The following LGSN variants were observed in gnomAD, a reference collection of about 807,000 sequenced individuals.
The protein encoded by LGSN is lengsin.
Under a neutral mutation model 19.5 loss-of-function variants are expected in LGSN, and 21 were observed. The observed-to-expected ratio is 1.07, with a 90% CI of 0.76 to 1.55. LGSN has a LOEUF of 1.55. LGSN is among the 40% of genes most tolerant of loss of function. The pLI, the probability that LGSN is intolerant of heterozygous loss-of-function variation, is 0.00. For synonymous variants in LGSN, 257 were observed against 215.6 expected (o/e 1.19, Z -1.68); for missense variants, 673 against 608.5 (o/e 1.11, Z -1.12).
the LGSN span, among the ~76,000 whole-genome samples, chr6:63,492,034 A>G: frequency 1.3e-5 from 2 of 151,458 alleles, no homozygotes; most frequent in African/African-American, 4.9e-5. Context: ...CATCTCAAAA[A>G]AAAAAAAAAA....
At chr6:63,494,809 A>G in the LGSN span, among the ~76,000 whole-genome samples, 48,549 of 152,024 alleles carry the variant, frequency 0.32, 7,910 homozygotes, top group Admixed American at 0.4. Context: ...GTAGATTCTA[A>G]GTTTTATTAT....
the LGSN span, among the ~76,000 whole-genome samples, chr6:63,494,082 T>G: frequency 1.3e-5 from 2 of 151,878 alleles, no homozygotes. Context: ...CCCAAGTAGC[T>G]GGGATTACAG....
chr6:63,389,785 G>T, the LGSN span, among the ~76,000 whole-genome samples: 1 of 152,036 alleles, frequency 6.6e-6, no homozygotes, highest in Non-Finnish European at 1.5e-5. Flanking sequence ...GAAATTCAAA[G>T]GTAGTGCATA....
the LGSN span, among the ~76,000 whole-genome samples, chr6:63,358,640 T>A: frequency 1.3e-5 from 2 of 152,216 alleles, no homozygotes; most frequent in African/African-American, 4.8e-5. Context: ...GTTTGTCTGT[T>A]ATTGGTGTAT....
At chr6:63,411,684 A>T in the LGSN span, among the ~76,000 whole-genome samples, 1 of 152,030 alleles carries the variant, frequency 6.6e-6, no homozygotes, top group Non-Finnish European at 1.5e-5. Context: ...ACAAAAAATA[A>T]AAAATATTAG....
At chr6:63,391,071 T>C in the LGSN span, among the ~76,000 whole-genome samples, 1 of 152,194 alleles carries the variant, frequency 6.6e-6, no homozygotes, top group Non-Finnish European at 1.5e-5. Flanking sequence ...TTACTAAGTA[T>C]TATCAGATCT....
the LGSN span, among the ~76,000 whole-genome samples, chr6:63,330,152 G>A: frequency 3.0e-3 from 452 of 152,270 alleles, 3 homozygotes; most frequent in African/African-American, 0.01. Flanking sequence ...TGATTGCCTC[G>A]GCATAGTGGA....
the LGSN span, among the ~76,000 whole-genome samples, chr6:63,346,118 G>T: frequency 6.6e-6 from 1 of 152,020 alleles, no homozygotes; most frequent in African/African-American, 2.4e-5. Flanking sequence ...TGAGCAATAG[G>T]GGTGCTAGGT....
At chr6:63,296,772 C>T (rs911128959) in intron 1 of LGSN, among the ~76,000 whole-genome samples, 3 of 151,894 alleles carry the variant, frequency 2.0e-5, no homozygotes, top group African/African-American at 7.3e-5. Flanking sequence ...CTCATGGTAC[C>T]CCTTAAGTTA....
the LGSN span, among the ~76,000 whole-genome samples, chr6:63,514,545 T>C: frequency 1.3e-5 from 2 of 152,140 alleles, no homozygotes; most frequent in African/African-American, 2.4e-5. Flanking sequence ...CGTTTTATCA[T>C]ATATTTTTTC....
At chr6:63,348,322 C>T in the LGSN span, among the ~76,000 whole-genome samples, 22 of 152,150 alleles carry the variant, frequency 1.4e-4, no homozygotes, top group South Asian at 2.9e-3. Context: ...GGAGCTGTGG[C>T]GCATGCCTGT....
the LGSN span, among the ~76,000 whole-genome samples, chr6:63,516,328 A>T: frequency 2.6e-5 from 4 of 152,232 alleles, no homozygotes; most frequent in Admixed American, 2.6e-4. Flanking sequence ...TGCTTGGGAA[A>T]ATAAAGGATT....
the LGSN span, among the ~76,000 whole-genome samples, chr6:63,412,415 GAA>G: frequency 1.7e-4 from 18 of 107,822 alleles, no homozygotes; most frequent in African/African-American, 7.7e-4. Context: ...AAGAAAGAAA[GAA>G]GAAAGAAAGA....
At chr6:63,496,432 A>C in the LGSN span, among the ~76,000 whole-genome samples, 1 of 152,216 alleles carries the variant, frequency 6.6e-6, no homozygotes, top group African/African-American at 2.4e-5. Flanking sequence ...ACGGAATTAT[A>C]GGCAATTAAG....
chr6:63,505,802 G>C, the LGSN span, among the ~76,000 whole-genome samples: 1 of 152,014 alleles, frequency 6.6e-6, no homozygotes, highest in Non-Finnish European at 1.5e-5. Context: ...TGGGACTATA[G>C]GTGTGCACCA....
chr6:63,430,147 A>C, the LGSN span, among the ~76,000 whole-genome samples: 1 of 152,110 alleles, frequency 6.6e-6, no homozygotes, highest in African/African-American at 2.4e-5. Flanking sequence ...GAAATCAGGG[A>C]ATTTCTTCCT....
At chr6:63,426,730 G>A in the LGSN span, among the ~76,000 whole-genome samples, 1 of 152,148 alleles carries the variant, frequency 6.6e-6, no homozygotes, top group South Asian at 2.1e-4. Flanking sequence ...GGCCAGGCTG[G>A]TCTTGAACTC....
chr6:63,327,255 G>A, the LGSN span, among the ~76,000 whole-genome samples: 23 of 152,220 alleles, frequency 1.5e-4, no homozygotes, highest in African/African-American at 4.8e-4. Context: ...TGATGGCCTC[G>A]ATTCTAGAGG....
chr6:63,320,439 C>A (rs909088308), upstream of LGSN, among the ~76,000 whole-genome samples: 5 of 152,116 alleles, frequency 3.3e-5, no homozygotes, highest in Non-Finnish European at 5.9e-5. Context: ...TTTTTATTTT[C>A]TTTTCTAGGT....
Sources: allele counts gnomAD v4.1 joint callset (sites outside exome capture counted in the v4.1 genomes callset), GRCh38; gene constraint gnomAD v4.1.1; transcripts MANE v1.5; gene names NCBI Gene and HGNC (gene_info 2026-07-23, HGNC 2026-07-21).